The following RGS8 variants were observed in gnomAD, a reference collection of about 807,000 sequenced individuals.
The protein encoded by RGS8 is regulator of G protein signaling 8, also known as regulator of G-protein signaling 8.
A neutral mutation model predicts 21.7 loss-of-function variants in RGS8; 8 were observed. That is an observed-to-expected ratio of 0.37 (90% CI 0.22 to 0.66). The LOEUF (loss-of-function observed/expected upper bound fraction) is 0.66. Ranked by LOEUF, RGS8 falls within the 30% of genes least tolerant of loss-of-function variation. The pLI, the probability that RGS8 is intolerant of heterozygous loss-of-function variation, is 0.59. For missense variants in RGS8, 157 were observed against 217.9 expected (o/e 0.72, Z 1.76); for synonymous variants, 80 against 83.6 (o/e 0.96, Z 0.24).
chr1:182,683,399 A>G (rs903530101), intron 1 of RGS8, among the ~76,000 whole-genome samples: 5 of 152,192 alleles, frequency 3.3e-5, no homozygotes, highest in African/African-American at 4.8e-5. Context: ...TCCATTTTCC[A>G]GGAAAACTCT....
intron 5 of RGS8, among the ~76,000 whole-genome samples, chr1:182,658,070 C>T (rs1180857386): frequency 1.3e-5 from 2 of 152,204 alleles, no homozygotes; most frequent in East Asian, 1.9e-4. Context: ...GATTGATACA[C>T]ATCTAGTGAC....
At chr1:182,694,101 C>T in the RGS8 span, among the ~76,000 whole-genome samples, 10 of 151,132 alleles carry the variant, frequency 6.6e-5, no homozygotes, top group African/African-American at 2.0e-4. Flanking sequence ...AATAAACCTT[C>T]GCATGTACCC....
chr1:182,686,917 T>C (rs1035322147), upstream of RGS8, among the ~76,000 whole-genome samples: 9 of 150,456 alleles, frequency 6.0e-5, no homozygotes, highest in Non-Finnish European at 1.3e-4. Flanking sequence ...AGAAAGAGAG[T>C]AGGAGGACCA....
At chr1:182,716,593 G>GGTATCTATTATGC in the RGS8 span, among the ~76,000 whole-genome samples, 6 of 151,770 alleles carry the variant, frequency 4.0e-5, no homozygotes, top group Non-Finnish European at 8.8e-5. Flanking sequence ...CTTTGAGGTA[G>GGTATCTATTATGC]GTATCTATTA....
the RGS8 span, among the ~76,000 whole-genome samples, chr1:182,728,495 T>A: frequency 2.6e-5 from 4 of 152,056 alleles, no homozygotes; most frequent in African/African-American, 9.7e-5. Flanking sequence ...ATAATGTCAA[T>A]GAAATCCAAG....
the RGS8 span, among the ~76,000 whole-genome samples, chr1:182,747,197 G>T: frequency 6.6e-5 from 10 of 151,256 alleles, no homozygotes; most frequent in South Asian, 2.1e-3. Context: ...ACCATTCCTG[G>T]CCCTGCATCT....
At chr1:182,749,756 G>A in the RGS8 span, among the ~76,000 whole-genome samples, 2 of 152,170 alleles carry the variant, frequency 1.3e-5, no homozygotes, top group East Asian at 1.9e-4. Context: ...TCCAGGATAC[G>A]TGTGCAGAAC....
At chr1:182,663,811 A>G (rs557589617) in intron 5 of RGS8, among the ~76,000 whole-genome samples, 1 of 152,274 alleles carries the variant, frequency 6.6e-6, no homozygotes, top group South Asian at 2.1e-4. Flanking sequence ...CTACAGGCAC[A>G]TGCCACCACA....
chr1:182,651,374 T>C (rs189780254), intron 5 of RGS8, among the ~76,000 whole-genome samples: 1 of 152,316 alleles, frequency 6.6e-6, no homozygotes, highest in African/African-American at 2.4e-5. Context: ...AGAACACTTT[T>C]GGTACAGTAT....
the RGS8 span, among the ~76,000 whole-genome samples, chr1:182,718,793 AAAAT>A: frequency 6.6e-6 from 1 of 152,206 alleles, no homozygotes; most frequent in Non-Finnish European, 1.5e-5. Context: ...CTTTACCAAA[AAAAT>A]AAATAAATAA....
At chr1:182,686,779 A>G (rs1664721571), upstream of RGS8, among the ~76,000 whole-genome samples, 1 of 152,162 alleles carries the variant, frequency 6.6e-6, no homozygotes, top group Non-Finnish European at 1.5e-5. Flanking sequence ...AGATGAGGGG[A>G]GTAAATGGAA....
At chr1:182,690,817 C>T in the RGS8 span, among the ~76,000 whole-genome samples, 5 of 152,174 alleles carry the variant, frequency 3.3e-5, no homozygotes, top group Non-Finnish European at 7.4e-5. Context: ...GTACTCTCTC[C>T]CACCCTGACT....
chr1:182,744,525 G>C, the RGS8 span, among the ~76,000 whole-genome samples: 1 of 152,210 alleles, frequency 6.6e-6, no homozygotes, highest in African/African-American at 2.4e-5. Flanking sequence ...AGTTTATAAT[G>C]GAGCAGAAAA....
chr1:182,694,360 C>A, the RGS8 span, among the ~76,000 whole-genome samples: 1 of 152,166 alleles, frequency 6.6e-6, no homozygotes, highest in South Asian at 2.1e-4. Flanking sequence ...AGAGAAGGAG[C>A]CATCCTTGTT....
the RGS8 span, among the ~76,000 whole-genome samples, chr1:182,743,763 A>T: frequency 6.6e-6 from 1 of 152,214 alleles, no homozygotes; most frequent in Non-Finnish European, 1.5e-5. Context: ...TCTGTTCACC[A>T]TATCTAAAAT....
intron 2 of RGS8, 119 bp from the exon 4 acceptor site, chr1:182,669,871 A>G: frequency 6.1e-6 from 7 of 1,140,126 alleles, no homozygotes; most frequent in Non-Finnish European, 8.3e-6. Context: ...CCCCAGCCCC[A>G]CAAATGTCCA....
At chr1:182,740,831 A>G in the RGS8 span, among the ~76,000 whole-genome samples, 1 of 151,974 alleles carries the variant, frequency 6.6e-6, no homozygotes, top group Admixed American at 6.5e-5. Context: ...TTCAACCCTG[A>G]GTGGATACAG....
At chr1:182,666,184 T>A in intron 4 of RGS8, 151 bp from the exon 6 acceptor site, 1 of 583,942 alleles carries the variant, frequency 1.7e-6, no homozygotes, top group Non-Finnish European at 3.1e-6. Context: ...CCTGCAATTC[T>A]GTCACTGTAA....
At chr1:182,666,816 T>G in intron 4 of RGS8, 56 bp downstream of exon 5, 8 of 1,304,098 alleles carry the variant, frequency 6.1e-6, no homozygotes, top group Non-Finnish European at 8.9e-6. Context: ...ACTAAAGAAG[T>G]GAGCTATATG....
Sources: gnomAD v4.1 joint callset for allele counts (sites outside exome capture counted in the v4.1 genomes callset) on GRCh38, gnomAD v4.1.1 for gene constraint, MANE v1.5 for transcripts, NCBI Gene and HGNC (gene_info 2026-07-23, HGNC 2026-07-21) for gene names.